The following ZFHX3 variants were observed in gnomAD, a reference collection of about 807,000 sequenced individuals.
The protein encoded by ZFHX3 is zinc finger homeobox 3.
ZFHX3 carries 42 observed loss-of-function variants against 279.1 expected under a neutral mutation model. The observed-to-expected ratio is 0.15, with a 90% confidence interval of 0.12 to 0.19. The LOEUF is 0.19. Ranked by LOEUF, ZFHX3 falls within the 10% of genes least tolerant of loss-of-function variation. The pLI, the probability that ZFHX3 is intolerant of heterozygous loss-of-function variation, is 1.00. For synonymous variants in ZFHX3, 2,293 were observed against 1,957.8 expected (o/e 1.17, Z -4.52); for missense variants, 4,981 against 4,754.0 (o/e 1.05, Z -1.40).
chr16:73,418,976 A>G (rs966857484), intron 3 of ZFHX3, among the ~76,000 whole-genome samples: 1 of 152,218 alleles, frequency 6.6e-6, no homozygotes, highest in African/African-American at 2.4e-5. Flanking sequence ...GAAGATTAAC[A>G]TGGACGTCAA....
Position 72,894,473 on chromosome 16 carries a change from G to A in ZFHX3, c.3217-4511C>T, listed in dbSNP as rs576034274. 1.1e-3 allele frequency among the ~76,000 whole-genome samples: 173 copies of A among 152,246 alleles called. 1 individual carries two copies. Among genetic ancestry groups the A allele is most frequent in the Non-Finnish European group, 2.2e-3 (148 of 68,026 alleles). ...TCTCCCTTCCTCCCAAGTGGCACTG[G>A]CCTCATCCCCAGAATCCCACCCTTG... On this transcript the variant is annotated intron_variant, in intron 3 of 9. Transcript: ENST00000268489.
chr16:73,319,496 T>G (rs975009333), intron 3 of ZFHX3, among the ~76,000 whole-genome samples: 1 of 151,884 alleles, frequency 6.6e-6, no homozygotes, highest in Non-Finnish European at 1.5e-5. Context: ...CTAGCTGTGG[T>G]CACCAGGCCC....
rs148219003 is a variant in ZFHX3 at position 72,958,581 on chromosome 16, T to C, written c.1565A>G (p.Asp522Gly). 89 of 1,614,048 alleles carry C rather than the reference T, an allele frequency of 5.5e-5. No homozygotes were observed. Among genetic ancestry groups the C allele is most frequent in the Non-Finnish European group, 5.8e-5 (68 of 1,180,020 alleles). ...GAAAGSSSKKDLALSNQSISN... is the reference protein window; with the variant it reads ...GAAAGSSSKKGLALSNQSISN... The stretch of plus-strand genomic sequence containing the variant: ...AATGCTTTGGTTTGAGAGAGCAAGG[T>C]CCTTTTTGCTGCTACTACCTGCTGC... The change falls in exon 2 of 10, where the codon GAC (aspartate) becomes GGC (glycine). Residue 522 changes from aspartate (D) to glycine (G), a missense_variant. This residue lies in a region of ZFHX3 where 1,068 missense variants were observed against 935.2 expected (regional missense o/e 1.14). Transcript: ENST00000268489.
chr16:73,455,543 G>A (rs758139142), intron 3 of ZFHX3, among the ~76,000 whole-genome samples: 5 of 152,110 alleles, frequency 3.3e-5, no homozygotes, highest in Non-Finnish European at 7.4e-5. Flanking sequence ...GCCAGCAAAA[G>A]CTCATAATTC....
chr16:72,938,143 C>CGT (rs1567593871), intron 3 of ZFHX3, among the ~76,000 whole-genome samples: 1 of 152,190 alleles, frequency 6.6e-6, no homozygotes, highest in Admixed American at 6.5e-5. Context: ...GCAGAGATGC[C>CGT]GTGTGTGGGT....
intron 1 of ZFHX3, among the ~76,000 whole-genome samples, chr16:72,965,605 G>A (rs2144489290): frequency 6.6e-6 from 1 of 152,246 alleles, no homozygotes; most frequent in Non-Finnish European, 1.5e-5. Flanking sequence ...AAAGGTCTCG[G>A]CTTACATTCT....
chr16:73,568,714 G>GC (rs1168684115), intron 2 of ZFHX3, among the ~76,000 whole-genome samples: 1 of 152,132 alleles, frequency 6.6e-6, no homozygotes, highest in Non-Finnish European at 1.5e-5. Flanking sequence ...CATGGAGCTG[G>GC]CCCCCCTCTA....
At chr16:73,675,738 G>C (rs935490985) in intron 2 of ZFHX3, among the ~76,000 whole-genome samples, 3 of 151,898 alleles carry the variant, frequency 2.0e-5, no homozygotes, top group Non-Finnish European at 2.9e-5. Flanking sequence ...CTCATACCTG[G>C]ATCTGGCCAA....
At chr16:73,382,249 C>T (rs2016828699) in intron 3 of ZFHX3, among the ~76,000 whole-genome samples, 2 of 151,940 alleles carry the variant, frequency 1.3e-5, no homozygotes, top group Admixed American at 1.3e-4. Context: ...AATTCAGAAG[C>T]CATAAAAGAA....
At chr16:73,446,493 C>G (rs1008499013) in intron 3 of ZFHX3, among the ~76,000 whole-genome samples, 5 of 152,124 alleles carry the variant, frequency 3.3e-5, no homozygotes, top group Non-Finnish European at 7.4e-5. Context: ...GGAAACCTCC[C>G]CAGTGATCTA....
intron 1 of ZFHX3, among the ~76,000 whole-genome samples, chr16:73,845,791 T>C (rs1961435532): frequency 6.6e-6 from 1 of 152,140 alleles, no homozygotes; most frequent in Non-Finnish European, 1.5e-5. Flanking sequence ...GCTCAACTGA[T>C]TTTGAAAAAG....
chr16:73,667,391 T>G (rs2052854779), intron 2 of ZFHX3, among the ~76,000 whole-genome samples: 2 of 152,232 alleles, frequency 1.3e-5, no homozygotes, highest in Admixed American at 6.5e-5. Flanking sequence ...AACATACGCT[T>G]TTGTGTGAAC....
chr16:73,581,659 C>G (rs1309352034), intron 2 of ZFHX3, among the ~76,000 whole-genome samples: 1 of 73,428 alleles, frequency 1.4e-5, no homozygotes, highest in Non-Finnish European at 2.6e-5. Flanking sequence ...TCGAATGTCT[C>G]TTTTTTTTTT....
intron 1 of ZFHX3, among the ~76,000 whole-genome samples, chr16:73,024,264 A>C (rs73594767): frequency 0.014 from 2,108 of 152,214 alleles, 57 homozygotes; most frequent in African/African-American, 0.048. Context: ...GGGAGGGGCG[A>C]AAGAAGAGAA....
At chr16:73,846,798 T>C (rs1487176512) in intron 1 of ZFHX3, among the ~76,000 whole-genome samples, 2 of 152,130 alleles carry the variant, frequency 1.3e-5, no homozygotes, top group African/African-American at 4.8e-5. Flanking sequence ...TTAATAAAAA[T>C]AACAGACAAA....
intron 1 of ZFHX3, among the ~76,000 whole-genome samples, chr16:73,773,546 A>T (rs1409572145): frequency 3.3e-5 from 5 of 152,202 alleles, no homozygotes; most frequent in African/African-American, 1.2e-4. Context: ...TGAGAGAAAC[A>T]ATTAACAAGT....
intron 2 of ZFHX3, among the ~76,000 whole-genome samples, chr16:73,512,320 T>G (rs1017220326): frequency 6.7e-6 from 1 of 148,878 alleles, no homozygotes; most frequent in Non-Finnish European, 1.5e-5. Context: ...TGGTGGTGCG[T>G]GTCTGTAGTC....
At chr16:73,882,043 C>T (rs1018943827) in intron 1 of ZFHX3, among the ~76,000 whole-genome samples, 3 of 152,116 alleles carry the variant, frequency 2.0e-5, no homozygotes, top group Non-Finnish European at 4.4e-5. Context: ...TTTCAAAGCA[C>T]TTTGAAGATG....
At chr16:72,964,502 A>G (rs1207698455) in intron 1 of ZFHX3, among the ~76,000 whole-genome samples, 1 of 152,142 alleles carries the variant, frequency 6.6e-6, no homozygotes, top group Non-Finnish European at 1.5e-5. Context: ...AATGAGGTAT[A>G]GGTGACTTCA....
Sources: allele counts gnomAD v4.1 joint callset (sites outside exome capture counted in the v4.1 genomes callset), GRCh38; gene constraint gnomAD v4.1.1; regional missense constraint gnomAD v4.1.1; transcripts MANE v1.5; gene names NCBI Gene and HGNC (gene_info 2026-07-23, HGNC 2026-07-21).